FASTKD2: variants seen among roughly 807,000 people sequenced by gnomAD.
FASTKD2 encodes FAST kinase domain-containing protein 2, mitochondrial.
A neutral mutation model predicts 63.6 loss-of-function variants in FASTKD2; 51 were observed. That is an observed-to-expected ratio of 0.80 (90% confidence interval 0.64 to 1.01). FASTKD2 has a LOEUF of 1.01. Ranked by LOEUF, FASTKD2 falls within the 50% of genes least tolerant of loss-of-function variation. FASTKD2 has a pLI of 0.00. For synonymous variants in FASTKD2, 284 were observed against 293.4 expected (o/e 0.97, Z 0.33); for missense variants, 786 against 831.1 (o/e 0.95, Z 0.67).
At chr2:206,789,705 C>A (rs1457812028) in intron 10 of FASTKD2, 1 of 152,250 alleles carries the variant, frequency 6.6e-6, no homozygotes, top group African/African-American at 2.4e-5. Flanking sequence ...TCACCTCTTT[C>A]TGAATGCATC....
intron 7 of FASTKD2, among the ~76,000 whole-genome samples, chr2:206,782,878 A>G (rs997417227): frequency 2.0e-5 from 3 of 152,140 alleles, no homozygotes; most frequent in Non-Finnish European, 2.9e-5. Context: ...GCACATAGTA[A>G]TTTTTAGATT....
At chr2:206,776,620 TGAA>T (rs1689831486) in intron 7 of FASTKD2, among the ~76,000 whole-genome samples, 1 of 152,052 alleles carries the variant, frequency 6.6e-6, no homozygotes, top group African/African-American at 2.4e-5. Flanking sequence ...CACCTTTTGT[TGAA>T]GAGCATATTC....
At chr2:206,766,056 TCAGGACCAGC>T (rs1689441713) in intron 1 of FASTKD2, among the ~76,000 whole-genome samples, 1 of 151,902 alleles carries the variant, frequency 6.6e-6, no homozygotes, top group African/African-American at 2.4e-5. Flanking sequence ...GGTCAGGAGT[TCAGGACCAGC>T]CTGGCCAACA....
Position 206,771,186 on chromosome 2 carries a change from C to T in FASTKD2, c.886C>T (p.Leu296=). ...VHVLRTGFRI[L]VDQQVWKIED... ...ATTTATTGTGTTTGATAACAGAATA[C>T]TAGTTGATCAGCAAGTTTGGAAAAT... The change falls in exon 4 of 12, where the codon CTA becomes TTA. Residue 296 remains leucine, a synonymous_variant. Transcript: ENST00000402774. 6.5e-7 allele frequency: 1 copy of T among 1,536,432 alleles called. No homozygotes were observed. Among genetic ancestry groups the T allele is most frequent in the Non-Finnish European group, 9.0e-7 (1 of 1,109,664 alleles).
intron 7 of FASTKD2, among the ~76,000 whole-genome samples, chr2:206,776,084 T>C (rs1200688390): frequency 6.6e-6 from 1 of 151,558 alleles, no homozygotes; most frequent in African/African-American, 2.4e-5. Flanking sequence ...TATTATTATT[T>C]TTGCTATTCA....
intron 11 of FASTKD2, chr2:206,791,151 TA>T (rs1463916367): frequency 1.9e-5 from 4 of 207,520 alleles, no homozygotes; most frequent in Non-Finnish European, 3.9e-5. Context: ...TTTTATTTTG[TA>T]CCCCACAGCT....
chr2:206,768,654 C>T (rs551085594), intron 2 of FASTKD2, among the ~76,000 whole-genome samples: 83 of 152,260 alleles, frequency 5.5e-4, no homozygotes, highest in African/African-American at 1.9e-3. Flanking sequence ...GAGCCATGAT[C>T]GTGCCACTGC....
At chr2:206,786,662 T>C (rs531335362) in intron 7 of FASTKD2, 71 bp from the exon 8 acceptor site, 3 of 1,370,174 alleles carry the variant, frequency 2.2e-6, no homozygotes, top group East Asian at 4.6e-5. Context: ...TTCTTATCTC[T>C]TTTCTTTGGA....
Position 206,793,243 on chromosome 2 carries a change from A to AC in FASTKD2, c.*1441_*1442insC, listed in dbSNP as rs1690344116. 7.0e-5 allele frequency among the ~76,000 whole-genome samples: 10 copies of AC among 143,488 alleles called. No individual in the cohort carries two copies. The highest frequency in any genetic ancestry group is 2.2e-4 in the South Asian group (1 of 4,544). 94.1% of individuals were successfully genotyped at this position (143,488 alleles called of 152,430 possible). A position where few individuals can be genotyped will look rare whatever the true frequency, so the allele number is the denominator to read the frequency against. On this transcript the variant is annotated 3_prime_UTR_variant, in exon 12 of 12. Coordinates refer to ENST00000402774, the MANE Select transcript of FASTKD2 (RefSeq NM_001136193.2). ...CTCAAAAAAAAAAAAAAAAAAAAAAAAAAAAAAATACAAAAACTATAGCAA... is the reference window on the plus strand; with the variant it reads ...CTCAAAAAAAAAAAAAAAAAAAAAAACAAAAAAAATACAAAAACTATAGCAA...
At chr2:206,774,873 A>G (rs1441809237) in intron 7 of FASTKD2, among the ~76,000 whole-genome samples, 1 of 151,994 alleles carries the variant, frequency 6.6e-6, no homozygotes, top group Non-Finnish European at 1.5e-5. Flanking sequence ...TGCATAACTG[A>G]AACTTTATAC....
At position 206,766,774 on chromosome 2, in the gene FASTKD2, C is replaced by T; in HGVS notation, c.81C>T (p.Asn27=). ...MNNKAGSFFW[N]LRQFSTLVST... The stretch of plus-strand genomic sequence containing the variant: ...ACAAAGCGGGCTCCTTTTTCTGGAA[C>T]CTTAGACAATTCAGTACATTAGTTT... Residue 27 remains asparagine, a synonymous_variant, in exon 2 of 12, where the codon AAC becomes AAT. Coordinates refer to ENST00000402774, the MANE Select transcript of FASTKD2 (RefSeq NM_001136193.2). 4 of 1,613,752 alleles carry T rather than the reference C, an allele frequency of 2.5e-6. No homozygotes were observed. The highest frequency in any genetic ancestry group is 3.4e-6 in the Non-Finnish European group (4 of 1,179,866).
At chr2:206,781,251 C>T (rs1689962987) in intron 7 of FASTKD2, among the ~76,000 whole-genome samples, 1 of 144,588 alleles carries the variant, frequency 6.9e-6, no homozygotes, top group African/African-American at 2.5e-5. Flanking sequence ...GGGAAAGACT[C>T]TTATTAATCA....
Position 206,794,179 on chromosome 2 carries a change from C to T in FASTKD2, c.*2377C>T, listed in dbSNP as rs1335487572. 6.6e-6 allele frequency among the ~76,000 whole-genome samples: 1 copy of T among 152,136 alleles called. No individual in the cohort carries two copies. The highest frequency in any genetic ancestry group is 2.4e-5 in the African/African-American group (1 of 41,412). ...TCAAGATAATGAATATATCTATCAC[C>T]TCTAAAAGGTTCCTGTCTTTGCTTT... is the stretch of plus-strand genomic sequence containing the variant. On this transcript the variant is annotated 3_prime_UTR_variant, in exon 12 of 12. Transcript: ENST00000402774.
At position 206,766,757 on chromosome 2, in the gene FASTKD2, G is replaced by C; in HGVS notation, c.64G>C (p.Gly22Arg). 6.2e-7 allele frequency: 1 copy of C among 1,613,844 alleles called. No homozygotes were observed. The highest frequency in any genetic ancestry group is 2.2e-5 in the East Asian group (1 of 44,856). Residue 22 changes from glycine (G) to arginine (R), a missense_variant, in exon 2 of 12, where the codon GGC (glycine) becomes CGC (arginine). Coordinates refer to ENST00000402774, the MANE Select transcript of FASTKD2 (RefSeq NM_001136193.2). ...SVESKMNNKA[G>R]SFFWNLRQFS... Reference sequence around the variant, plus strand: ...GGAGAGCAAAATGAATAACAAAGCGGGCTCCTTTTTCTGGAACCTTAGACA... The same window carrying C: ...GGAGAGCAAAATGAATAACAAAGCGCGCTCCTTTTTCTGGAACCTTAGACA...
chr2:206,782,901 G>T lies in FASTKD2; in HGVS notation c.1428-3832G>T, dbSNP rs571759118. Among the ~76,000 whole-genome samples the T allele has an allele frequency of 3.7e-4, 56 of 152,230 alleles. 1 individual carries two copies. Among genetic ancestry groups the T allele is most frequent in the African/African-American group, 1.2e-3 (49 of 41,540 alleles). ...TAATTTTTAGATTTGAAAAAAATTA[G>T]AGTGTAGGTCACAGAGGCCTTGGGG... On this transcript the variant is annotated intron_variant, in intron 7 of 11. Coordinates refer to ENST00000402774, the MANE Select transcript of FASTKD2 (RefSeq NM_001136193.2).
intron 7 of FASTKD2, 23 bp downstream of exon 7, chr2:206,774,420 CTTT>C (rs754810297): frequency 2.7e-6 from 4 of 1,474,746 alleles, no homozygotes; most frequent in Non-Finnish European, 2.8e-6. Context: ...TTTTTTTTAC[CTTT>C]TTTATTGCCA....
chr2:206,779,426 G>T (rs1235123473), intron 7 of FASTKD2, among the ~76,000 whole-genome samples: 1 of 152,136 alleles, frequency 6.6e-6, no homozygotes, highest in Non-Finnish European at 1.5e-5. Context: ...AAGAAAAGAG[G>T]TTTAATTGAC....
At position 206,794,118 on chromosome 2, in the gene FASTKD2, G is replaced by A. The variant is rs576889447; in HGVS notation, c.*2316G>A. 5.4e-5 allele frequency among the ~76,000 whole-genome samples: 8 copies of A among 147,616 alleles called. No homozygotes were observed. The highest frequency in any genetic ancestry group is 2.0e-4 in the Admixed American group (3 of 15,086). ...AGTGTACCGTTAGGTCAGTTTTGACGTACATACACACACACACACATCTGT... is the reference window on the plus strand; with the variant it reads ...AGTGTACCGTTAGGTCAGTTTTGACATACATACACACACACACACATCTGT... On this transcript the variant is annotated 3_prime_UTR_variant, in exon 12 of 12. Transcript: ENST00000402774.
At chr2:206,769,671 T>C (rs2105972439) in intron 2 of FASTKD2, among the ~76,000 whole-genome samples, 1 of 152,302 alleles carries the variant, frequency 6.6e-6, no homozygotes, top group East Asian at 1.9e-4. Flanking sequence ...GGCACAACCA[T>C]TTAAGGATCT....
Sources: gnomAD v4.1 joint callset for allele counts (sites outside exome capture counted in the v4.1 genomes callset) on GRCh38, gnomAD v4.1.1 for gene constraint, MANE v1.5 for transcripts, NCBI Gene and HGNC (gene_info 2026-07-23, HGNC 2026-07-21) for gene names.